IL1RAPL1: variants seen among roughly 807,000 people sequenced by gnomAD.
IL1RAPL1 encodes interleukin 1 receptor accessory protein like 1, also known as interleukin-1 receptor accessory protein-like 1.
IL1RAPL1 carries 3 observed loss-of-function variants against 48.4 expected under a neutral mutation model. That is an observed-to-expected ratio of 0.06 (90% CI 0.03 to 0.16). The LOEUF (loss-of-function observed/expected upper bound fraction) is 0.16, where lower values mean the gene tolerates loss of function less well. Among genes scored for constraint, IL1RAPL1 ranks in the 10% least tolerant of loss-of-function variants. The probability of loss-of-function intolerance (pLI) is 1.00; values close to 1 mark genes in which losing one functional copy is unlikely to be tolerated. For synonymous variants in IL1RAPL1, 185 were observed against 187.7 expected (o/e 0.99, Z 0.12); for missense variants, 349 against 530.6 (o/e 0.66, Z 3.36).
At chrX:29,825,014 A>T (rs1043053632) in intron 6 of IL1RAPL1, among the ~76,000 whole-genome samples, 2 of 111,131 alleles carry the variant, frequency 1.8e-5, no homozygotes, top group Non-Finnish European at 3.8e-5. Flanking sequence ...CTCATCCACT[A>T]AAACAGTAAA....
intron 2 of IL1RAPL1, among the ~76,000 whole-genome samples, chrX:29,195,620 C>T (rs1262915670): frequency 3.1e-5 from 3 of 95,659 alleles, no homozygotes; most frequent in African/African-American, 1.2e-4. Flanking sequence ...AGTGCAGTGG[C>T]GCCATCTGGG....
chrX:29,222,859 A>G (rs1365543014), intron 2 of IL1RAPL1, among the ~76,000 whole-genome samples: 1 of 111,449 alleles, frequency 9.0e-6, no homozygotes, highest in African/African-American at 3.3e-5. Flanking sequence ...AAAATCCATT[A>G]TATGTGTCGT....
chrX:28,902,172 C>CCT, intron 2 of IL1RAPL1, among the ~76,000 whole-genome samples: 1 of 101,788 alleles, frequency 9.8e-6, no homozygotes, highest in South Asian at 4.5e-4. Flanking sequence ...CTTCCTTATC[C>CCT]TTTTTTTTTT....
intron 2 of IL1RAPL1, among the ~76,000 whole-genome samples, chrX:29,200,516 T>C (rs1390228909): frequency 3.6e-5 from 4 of 111,999 alleles, no homozygotes; most frequent in Admixed American, 9.5e-5. Context: ...TTGTTTTTTC[T>C]CAATTCAAAA....
Position 29,734,009 on chromosome X carries a change from G to A in IL1RAPL1, c.778+65505G>A, listed in dbSNP as rs750449665. On this transcript the variant is annotated intron_variant, in intron 6 of 10. Transcript: ENST00000378993. ...AGGTATGCTCAAAGTTTCTTTCTGC[G>A]CAAGTTGAAACAGATGCGACCACTG... Among the ~76,000 whole-genome samples, 6 of 112,628 alleles carry A rather than the reference G, an allele frequency of 5.3e-5. No individual in the cohort carries two copies. The South Asian group carries it at 2.2e-3, about 41-fold the overall frequency.
At chrX:29,078,099 G>T (rs370960383) in intron 2 of IL1RAPL1, among the ~76,000 whole-genome samples, 1 of 111,606 alleles carries the variant, frequency 9.0e-6, no homozygotes, top group African/African-American at 3.3e-5. Context: ...GTGAAACTCC[G>T]TGTCTACTAA....
chrX:29,402,036 GGCCCGT>G (rs1934000083), intron 5 of IL1RAPL1, among the ~76,000 whole-genome samples: 1 of 111,145 alleles, frequency 9.0e-6, no homozygotes, highest in African/African-American at 3.3e-5. Flanking sequence ...TGGGATTATA[GGCCCGT>G]GCCACCATGC....
At chrX:29,470,165 C>T (rs1934906173) in intron 5 of IL1RAPL1, among the ~76,000 whole-genome samples, 1 of 112,137 alleles carries the variant, frequency 8.9e-6, no homozygotes, top group Non-Finnish European at 1.9e-5. Flanking sequence ...ACCTCTCCCA[C>T]TGCTAGTTTA....
At chrX:29,321,630 C>T (rs956694688) in intron 3 of IL1RAPL1, among the ~76,000 whole-genome samples, 3 of 111,745 alleles carry the variant, frequency 2.7e-5, no homozygotes, top group Non-Finnish European at 1.9e-5. Flanking sequence ...AGGAGGTTTG[C>T]TCCTTATATG....
At chrX:29,002,365 T>C (rs193272706) in intron 2 of IL1RAPL1, among the ~76,000 whole-genome samples, 1 of 110,974 alleles carries the variant, frequency 9.0e-6, no homozygotes, top group African/African-American at 3.3e-5. Flanking sequence ...GAAATCAAGG[T>C]GGTAATTACT....
At chrX:28,747,056 A>G (rs928440365) in intron 1 of IL1RAPL1, among the ~76,000 whole-genome samples, 1 of 110,906 alleles carries the variant, frequency 9.0e-6, no homozygotes, top group Non-Finnish European at 1.9e-5. Context: ...TTAAATTTAT[A>G]TCATTCATAA....
At chrX:28,870,356 T>G (rs767047002) in intron 2 of IL1RAPL1, among the ~76,000 whole-genome samples, 1 of 111,805 alleles carries the variant, frequency 8.9e-6, no homozygotes, top group East Asian at 2.8e-4. Flanking sequence ...GAATATTTAT[T>G]TTTTTAACTG....
chrX:28,903,304 G>T (rs762511326), intron 2 of IL1RAPL1, among the ~76,000 whole-genome samples: 1 of 110,903 alleles, frequency 9.0e-6, no homozygotes, highest in South Asian at 3.9e-4. Flanking sequence ...ATTTTTAGTA[G>T]AGATGGGGTT....
At chrX:29,873,198 T>A (rs1041279423) in intron 6 of IL1RAPL1, among the ~76,000 whole-genome samples, 1 of 110,328 alleles carries the variant, frequency 9.1e-6, no homozygotes, top group Non-Finnish European at 1.9e-5. Flanking sequence ...AGGCTGTCTC[T>A]CTTTTATGTA....
At chrX:29,268,412 A>G (rs187826485) in intron 2 of IL1RAPL1, among the ~76,000 whole-genome samples, 162 of 112,295 alleles carry the variant, frequency 1.4e-3, no homozygotes, top group Admixed American at 3.5e-3. Flanking sequence ...ATTTTTCATA[A>G]TTGCATAATT....
chrX:28,950,437 C>T (rs1239553996), intron 2 of IL1RAPL1, among the ~76,000 whole-genome samples: 3 of 85,770 alleles, frequency 3.5e-5, no homozygotes, highest in Non-Finnish European at 6.8e-5. Context: ...TTTTTTGGTT[C>T]CATATGAACT....
intron 6 of IL1RAPL1, among the ~76,000 whole-genome samples, chrX:29,739,277 C>G (rs970763237): frequency 8.9e-6 from 1 of 112,593 alleles, no homozygotes; most frequent in Non-Finnish European, 1.9e-5. Flanking sequence ...TAATGAATAA[C>G]AGATTATACA....
At chrX:29,106,478 T>G (rs1356826307) in intron 2 of IL1RAPL1, among the ~76,000 whole-genome samples, 1 of 111,901 alleles carries the variant, frequency 8.9e-6, no homozygotes, top group Non-Finnish European at 1.9e-5. Context: ...GGAAAAATAT[T>G]TGGAATAAAA....
intron 5 of IL1RAPL1, among the ~76,000 whole-genome samples, chrX:29,626,595 T>C (rs1924621024): frequency 8.9e-6 from 1 of 111,890 alleles, no homozygotes; most frequent in Non-Finnish European, 1.9e-5. Context: ...TTGGCAGAAG[T>C]TGTTTTCTGA....
Sources: allele counts gnomAD v4.1 joint callset (sites outside exome capture counted in the v4.1 genomes callset), GRCh38; gene constraint gnomAD v4.1.1; transcripts MANE v1.5; gene names NCBI Gene and HGNC (gene_info 2026-07-23, HGNC 2026-07-21).